The following SEC24B variants were observed in gnomAD, a reference collection of about 807,000 sequenced individuals.
SEC24B encodes the protein protein transport protein Sec24B.
In SEC24B, 45 loss-of-function variants were observed where a neutral mutation model predicts 142.8. The ratio of observed to expected loss-of-function variants is 0.32; its 90% CI spans 0.25 to 0.40. The LOEUF (loss-of-function observed/expected upper bound fraction) is 0.40, where lower values mean the gene tolerates loss of function less well. Among genes scored for constraint, SEC24B ranks in the 10% least tolerant of loss-of-function variants. The pLI, the probability that SEC24B is intolerant of heterozygous loss-of-function variation, is 1.00. For missense variants in SEC24B, 1,409 were observed against 1,526.8 expected, an observed-to-expected ratio of 0.92 and a Z score of 1.29; for synonymous variants, 574 against 568.2, an observed-to-expected ratio of 1.01 and a Z score of -0.15.
At chr4:109,520,304 T>C (rs1042562105) in intron 11 of SEC24B, 62 bp from the exon 12 acceptor site, 9 of 977,936 alleles carry the variant, frequency 9.2e-6, no homozygotes, top group African/African-American at 3.3e-5. Context: ...TATTTCATTA[T>C]TTTCTGAAAT....
intron 6 of SEC24B, 43 bp from the exon 7 acceptor site, chr4:109,506,285 A>C: frequency 7.2e-7 from 1 of 1,381,632 alleles, no homozygotes; most frequent in Non-Finnish European, 9.5e-7. Context: ...AAATTTATTT[A>C]TGTTTTATTG....
chr4:109,523,492 TAATA>T (rs1465158806), intron 14 of SEC24B, among the ~76,000 whole-genome samples: 1 of 151,576 alleles, frequency 6.6e-6, no homozygotes. Flanking sequence ...AAAACAATAA[TAATA>T]ATAACAATGA....
At chr4:109,503,750 G>T (rs544527264) in intron 6 of SEC24B, among the ~76,000 whole-genome samples, 1 of 151,808 alleles carries the variant, frequency 6.6e-6, no homozygotes, top group South Asian at 2.1e-4. Context: ...ATTCTAGCTG[G>T]TTTTTTTTAG....
chr4:109,539,530 G>A (rs200355536), intron 23 of SEC24B, 31 bp from the exon 24 acceptor site: 72 of 1,380,448 alleles, frequency 5.2e-5, no homozygotes, highest in South Asian at 2.2e-4. Context: ...TTTTAAATAC[G>A]TTTAGACAAA....
At chr4:109,484,709 A>G (rs1041058475) in intron 4 of SEC24B, among the ~76,000 whole-genome samples, 4 of 152,042 alleles carry the variant, frequency 2.6e-5, no homozygotes, top group African/African-American at 9.7e-5. Context: ...AAAATTAGCC[A>G]GGTGTGGTGG....
intron 1 of SEC24B, among the ~76,000 whole-genome samples, chr4:109,459,772 A>C (rs1731070891): frequency 6.6e-6 from 1 of 152,224 alleles, no homozygotes; most frequent in Non-Finnish European, 1.5e-5. Flanking sequence ...GTTTCAGATC[A>C]TGTAGCATGG....
At chr4:109,530,252 A>C in intron 18 of SEC24B, 37 bp from the exon 19 acceptor site, 1 of 1,565,462 alleles carries the variant, frequency 6.4e-7, no homozygotes, top group Middle Eastern at 1.7e-4. Context: ...ATTGGATTCT[A>C]ATGGTTAAAA....
chr4:109,508,683 T>C (rs1736986222), intron 7 of SEC24B, among the ~76,000 whole-genome samples: 1 of 152,208 alleles, frequency 6.6e-6, no homozygotes, highest in African/African-American at 2.4e-5. Flanking sequence ...AAATGTCTCT[T>C]TTATCAAAAT....
At chr4:109,444,940 T>G (rs555360789) in intron 1 of SEC24B, among the ~76,000 whole-genome samples, 146 of 152,316 alleles carry the variant, frequency 9.6e-4, no homozygotes, top group African/African-American at 3.0e-3. Context: ...TTGTTTTGTT[T>G]GTTTTTGTTT....
At chr4:109,434,456 C>G (rs970012726) in intron 1 of SEC24B, among the ~76,000 whole-genome samples, 1 of 152,208 alleles carries the variant, frequency 6.6e-6, no homozygotes, top group Non-Finnish European at 1.5e-5. Context: ...AAGGCTGGTG[C>G]AGCCACCCAG....
chr4:109,492,035 C>G (rs934704779), intron 5 of SEC24B, among the ~76,000 whole-genome samples: 1 of 151,904 alleles, frequency 6.6e-6, no homozygotes, highest in African/African-American at 2.4e-5. Context: ...CTCTCTTTTC[C>G]TAATGATTCC....
At chr4:109,449,703 A>G (rs554422904) in intron 1 of SEC24B, among the ~76,000 whole-genome samples, 5 of 152,004 alleles carry the variant, frequency 3.3e-5, no homozygotes, top group African/African-American at 9.6e-5. Flanking sequence ...TCCTTCTCTC[A>G]TGGTGGTCCT....
At chr4:109,532,783 C>A in intron 21 of SEC24B, 40 bp downstream of exon 21, 1 of 1,035,950 alleles carries the variant, frequency 9.7e-7, no homozygotes, top group Non-Finnish European at 1.5e-6. Context: ...ACTGTTTGAG[C>A]TGACCAAAAA....
chr4:109,538,454 T>C (rs200950247), intron 22 of SEC24B, 39 bp from the exon 23 acceptor site: 8 of 1,398,134 alleles, frequency 5.7e-6, no homozygotes, highest in African/African-American at 1.4e-5. Flanking sequence ...CTGAAGTCTA[T>C]GAGAAAGGAA....
At chr4:109,534,237 TA>T (rs1725247002) in intron 22 of SEC24B, among the ~76,000 whole-genome samples, 1 of 151,620 alleles carries the variant, frequency 6.6e-6, no homozygotes, top group African/African-American at 2.4e-5. Flanking sequence ...CATTTAAACG[TA>T]AAAAAGGAAA....
At chr4:109,453,965 C>T (rs1414769836) in intron 1 of SEC24B, among the ~76,000 whole-genome samples, 1 of 152,114 alleles carries the variant, frequency 6.6e-6, no homozygotes, top group African/African-American at 2.4e-5. Flanking sequence ...TCAAGTGATT[C>T]TCCTGCCTCA....
chr4:109,523,464 C>T (rs766664547), intron 14 of SEC24B, among the ~76,000 whole-genome samples: 1 of 151,004 alleles, frequency 6.6e-6, no homozygotes, highest in Non-Finnish European at 1.5e-5. Flanking sequence ...GAGCGAGACC[C>T]GGTCTCAAAA....
chr4:109,494,453 G>A (rs1735326500), intron 5 of SEC24B, among the ~76,000 whole-genome samples, 162 bp from the exon 6 acceptor site: 1 of 152,026 alleles, frequency 6.6e-6, no homozygotes, highest in South Asian at 2.1e-4. Context: ...TAAGTATATG[G>A]GGTTCATCAT....
At chr4:109,457,026 A>G (rs1186883823) in intron 1 of SEC24B, among the ~76,000 whole-genome samples, 1 of 152,212 alleles carries the variant, frequency 6.6e-6, no homozygotes, top group Non-Finnish European at 1.5e-5. Flanking sequence ...TGCAGCCATC[A>G]TTGCTTTTGT....
Sources: allele counts gnomAD v4.1 joint callset (sites outside exome capture counted in the v4.1 genomes callset), GRCh38; gene constraint gnomAD v4.1.1; transcripts MANE v1.5; gene names NCBI Gene and HGNC (gene_info 2026-07-23, HGNC 2026-07-21).